The following CDH23 variants were observed in gnomAD, a reference collection of about 807,000 sequenced individuals.
CDH23 encodes the protein cadherin-23.
Under a neutral mutation model 317.1 loss-of-function variants are expected in CDH23, and 189 were observed. That is an observed-to-expected ratio of 0.60 (90% CI 0.53 to 0.67). The LOEUF (loss-of-function observed/expected upper bound fraction) is 0.67, where lower values mean the gene tolerates loss of function less well. CDH23 is among the 30% of genes least tolerant of loss of function. The probability of loss-of-function intolerance (pLI) is 0.00; values close to 1 mark genes in which losing one functional copy is unlikely to be tolerated. For missense variants in CDH23, 4,401 were observed against 4,592.4 expected (o/e 0.96, Z 1.20); for synonymous variants, 1,839 against 1,876.8 (o/e 0.98, Z 0.52).
At chr10:71,578,146 G>T (rs1020298829) in intron 9 of CDH23, among the ~76,000 whole-genome samples, 154 bp downstream of exon 9, 1 of 152,172 alleles carries the variant, frequency 6.6e-6, no homozygotes, top group East Asian at 1.9e-4. Context: ...CTCGCCAAAG[G>T]GCCAGGAAGG....
intron 19 of CDH23, among the ~76,000 whole-genome samples, chr10:71,689,020 GGGGTGGT>G: frequency 8.1e-6 from 1 of 124,098 alleles, no homozygotes; most frequent in Non-Finnish European, 1.8e-5. Flanking sequence ...GGTGGAGTCA[GGGGTGGT>G]GGAGTCAGGG....
intron 1 of CDH23, among the ~76,000 whole-genome samples, chr10:71,432,964 A>T (rs1245369129): frequency 6.6e-6 from 1 of 152,190 alleles, no homozygotes; most frequent in Admixed American, 6.5e-5. Flanking sequence ...AGGGAGGCTC[A>T]GGACAGTGCG....
intron 1 of CDH23, among the ~76,000 whole-genome samples, chr10:71,415,052 A>G (rs1848480867): frequency 6.6e-6 from 1 of 152,156 alleles, no homozygotes; most frequent in African/African-American, 2.4e-5. Flanking sequence ...CTACAGTGAT[A>G]TCTTTTCATG....
intron 41 of CDH23, among the ~76,000 whole-genome samples, chr10:71,783,818 A>G (rs1375537133): frequency 6.6e-6 from 1 of 152,204 alleles, no homozygotes; most frequent in East Asian, 1.9e-4. Context: ...TTAGCAAAGC[A>G]TTGCTTTGTG....
At chr10:71,681,311 C>T (rs1333680755) in intron 17 of CDH23, among the ~76,000 whole-genome samples, 2 of 152,144 alleles carry the variant, frequency 1.3e-5, no homozygotes, top group Admixed American at 1.3e-4. Context: ...CCATGCCCCC[C>T]ACTCCCAAGC....
chr10:71,532,752 C>A (rs1470026685), intron 6 of CDH23, among the ~76,000 whole-genome samples: 1 of 113,618 alleles, frequency 8.8e-6, no homozygotes, highest in Non-Finnish European at 1.8e-5. Context: ...TTTTTTGAGA[C>A]GGAGTATCAC....
chr10:71,475,392 T>C (rs559126498), intron 3 of CDH23, among the ~76,000 whole-genome samples: 58 of 152,274 alleles, frequency 3.8e-4, no homozygotes, highest in Middle Eastern at 3.4e-3. Flanking sequence ...CCTGCTTCCC[T>C]TTCTGTTTCC....
At chr10:71,803,503 A>C in intron 55 of CDH23, 83 bp downstream of exon 55, 2 of 1,237,874 alleles carry the variant, frequency 1.6e-6, no homozygotes, top group Non-Finnish European at 2.3e-6. Flanking sequence ...ACCCCACTCT[A>C]AAGGTGGGGA....
intron 10 of CDH23, among the ~76,000 whole-genome samples, chr10:71,616,013 A>G (rs554406732): frequency 1.3e-5 from 2 of 152,204 alleles, no homozygotes; most frequent in Non-Finnish European, 2.9e-5. Flanking sequence ...TCCAAGTGCC[A>G]TGACTTCCTG....
Position 71,741,715 on chromosome 10 carries a change from G to A in CDH23, c.4639G>A (p.Val1547Met), listed in dbSNP as rs1205597435. 7 of 1,610,672 alleles carry A rather than the reference G, an allele frequency of 4.3e-6. No homozygotes were observed. Among genetic ancestry groups the A allele is most frequent in the Non-Finnish European group, 5.9e-6 (7 of 1,178,456 alleles). Residue 1547 changes from valine (V) to methionine (M), a missense_variant, in exon 38 of 70, where the codon GTG (valine) becomes ATG (methionine). Val to Met is a conservative substitution (Grantham distance 21). Transcript: ENST00000224721. Reference sequence around the variant, plus strand: ...CCAGAACGTGGGTGGAGGTACTGCTGTGGTCCAGGTGAGAGCCACTGACCG... The same window carrying A: ...CCAGAACGTGGGTGGAGGTACTGCTATGGTCCAGGTGAGAGCCACTGACCG... ...VNENVGGGTA[V>M]VQVRATDRDI...
chr10:71,668,735 G>C (rs948983971), intron 14 of CDH23, among the ~76,000 whole-genome samples: 1 of 152,208 alleles, frequency 6.6e-6, no homozygotes, highest in Non-Finnish European at 1.5e-5. Context: ...CTACAGCCAG[G>C]AGAAAGACTG....
intron 9 of CDH23, among the ~76,000 whole-genome samples, chr10:71,585,664 T>G (rs923312815): frequency 6.6e-6 from 1 of 152,248 alleles, no homozygotes; most frequent in Non-Finnish European, 1.5e-5. Context: ...TTTCTCCTGA[T>G]GAGCCACAGA....
chr10:71,425,232 G>GAGAGAGAGAGA (rs1849006230), intron 1 of CDH23, among the ~76,000 whole-genome samples: 13 of 73,964 alleles, frequency 1.8e-4, no homozygotes, highest in African/African-American at 5.1e-4. Context: ...AGAGAGAGAG[G>GAGAGAGAGAGA]GAGAGAGAGA....
At chr10:71,602,580 G>A (rs1860291944) in intron 9 of CDH23, among the ~76,000 whole-genome samples, 1 of 152,118 alleles carries the variant, frequency 6.6e-6, no homozygotes, top group Non-Finnish European at 1.5e-5. Context: ...AGGATTTGGA[G>A]GGAAGTTTCA....
At chr10:71,796,851 G>T in intron 48 of CDH23, 1 of 389,324 alleles carries the variant, frequency 2.6e-6, no homozygotes, top group Non-Finnish European at 4.8e-6. Flanking sequence ...TTTTACAAAT[G>T]TGGACACAGA....
intron 37 of CDH23, 73 bp downstream of exon 37, chr10:71,741,023 C>G (rs1345661791): frequency 1.1e-5 from 17 of 1,568,410 alleles, no homozygotes; most frequent in Non-Finnish European, 1.4e-5. Flanking sequence ...CATGCAGCCC[C>G]TGTTTAAATG....
chr10:71,510,279 C>G (rs115035369), intron 4 of CDH23, 55 bp downstream of exon 4: 1 of 1,584,310 alleles, frequency 6.3e-7, no homozygotes, highest in East Asian at 2.2e-5. Flanking sequence ...GGAGGAGACA[C>G]TGGGGGAAGG....
chr10:71,594,215 A>C (rs981327979), intron 9 of CDH23, among the ~76,000 whole-genome samples: 1 of 152,246 alleles, frequency 6.6e-6, no homozygotes, highest in African/African-American at 2.4e-5. Flanking sequence ...CATTCTTCTC[A>C]TTAGCAGGAC....
chr10:71,506,127 C>G (rs1394862648), intron 3 of CDH23, among the ~76,000 whole-genome samples: 1 of 152,146 alleles, frequency 6.6e-6, no homozygotes, highest in African/African-American at 2.4e-5. Context: ...TGAAAGAGGT[C>G]AGGCACAAAA....
Sources: allele counts gnomAD v4.1 joint callset (sites outside exome capture counted in the v4.1 genomes callset), GRCh38; gene constraint gnomAD v4.1.1; transcripts MANE v1.5; gene names NCBI Gene and HGNC (gene_info 2026-07-23, HGNC 2026-07-21).